Variants in DOP1B observed in about 807,000 individuals in gnomAD.
DOP1B encodes the protein protein DOP1B.
DOP1B carries 174 observed loss-of-function variants against 233.5 expected under a neutral mutation model. The observed-to-expected ratio is 0.75, with a 90% confidence interval of 0.66 to 0.85. The LOEUF (loss-of-function observed/expected upper bound fraction) is 0.85, where lower values mean the gene tolerates loss of function less well. Ranked by LOEUF, DOP1B falls within the 40% of genes least tolerant of loss-of-function variation. The pLI, the probability that DOP1B is intolerant of heterozygous loss-of-function variation, is 0.00. For missense variants in DOP1B, 2,652 were observed against 2,846.6 expected, an observed-to-expected ratio of 0.93 and a Z score of 1.56; for synonymous variants, 1,190 against 1,185.6, an observed-to-expected ratio of 1.00 and a Z score of -0.08.
chr21:36,212,552 C>T (rs894140600), intron 7 of DOP1B, among the ~76,000 whole-genome samples: 1 of 152,092 alleles, frequency 6.6e-6, no homozygotes, highest in Non-Finnish European at 1.5e-5. Context: ...CACGAGAGCC[C>T]CTGGGCCATG....
chr21:36,175,800 A>T (rs1024765040), intron 2 of DOP1B: 1 of 151,620 alleles, frequency 6.6e-6, no homozygotes, highest in African/African-American at 2.4e-5. Flanking sequence ...CTCAAAAAAA[A>T]GAAAGAAAAG....
chr21:36,262,831 C>T (rs1601462054), intron 24 of DOP1B, among the ~76,000 whole-genome samples: 3 of 151,928 alleles, frequency 2.0e-5, no homozygotes, highest in African/African-American at 7.3e-5. Flanking sequence ...GCAGAGGTTG[C>T]AGTGAGCTCA....
Position 36,237,330 on chromosome 21 carries a change from A to G in DOP1B, c.2691A>G (p.Glu897=). The G allele has an allele frequency of 1.2e-6, 2 of 1,614,136 alleles. No homozygotes were observed. The highest frequency in any genetic ancestry group is 1.7e-6 in the Non-Finnish European group (2 of 1,180,028). The change falls in exon 16 of 37, where the codon GAA becomes GAG. Residue 897 remains glutamate (E), a synonymous_variant. Coordinates refer to ENST00000691173, the MANE Select transcript of DOP1B (RefSeq NM_001320714.2). ...GGGAGCATCACGTCACCTGCGTAGA[A>G]TTGTTCTACCGGCTGCACTGCCTGG... ...ETREHHVTCV[E]LFYRLHCLAP...
At chr21:36,276,061 C>T (rs893464922) in intron 27 of DOP1B, among the ~76,000 whole-genome samples, 7 of 143,000 alleles carry the variant, frequency 4.9e-5, no homozygotes, top group African/African-American at 1.5e-4. Flanking sequence ...GGAGCTGGAG[C>T]GGAGTCGGGG....
At chr21:36,229,620 C>T (rs116898768) in intron 13 of DOP1B, among the ~76,000 whole-genome samples, 8 of 151,288 alleles carry the variant, frequency 5.3e-5, no homozygotes, top group African/African-American at 1.2e-4. Context: ...TGGGGGACAC[C>T]GTTCAACCCA....
chr21:36,257,599 TAGA>T (rs2067115865), intron 23 of DOP1B, among the ~76,000 whole-genome samples: 1 of 40,046 alleles, frequency 2.5e-5, no homozygotes, highest in Non-Finnish European at 6.3e-5. Context: ...AGATAGATGA[TAGA>T]TAGATAGATA....
At chr21:36,180,134 A>G (rs964290588) in intron 2 of DOP1B, among the ~76,000 whole-genome samples, 4 of 99,478 alleles carry the variant, frequency 4.0e-5, no homozygotes, top group Non-Finnish European at 8.1e-5. Context: ...ATAATTTATA[A>G]AGTTAAAAAA....
chr21:36,178,436 A>AG (rs1333649781), intron 2 of DOP1B, among the ~76,000 whole-genome samples: 2 of 140,008 alleles, frequency 1.4e-5, no homozygotes, highest in African/African-American at 2.9e-5. Flanking sequence ...GAGTCTCTTA[A>AG]GAAAAAAAAA....
At chr21:36,285,211 C>G (rs1160749589) in intron 32 of DOP1B, among the ~76,000 whole-genome samples, 1 of 152,016 alleles carries the variant, frequency 6.6e-6, no homozygotes, top group African/African-American at 2.4e-5. Flanking sequence ...AGGCACCCAC[C>G]ACCATGCCTG....
chr21:36,235,163 C>T (rs2066811317), intron 15 of DOP1B, among the ~76,000 whole-genome samples: 1 of 152,166 alleles, frequency 6.6e-6, no homozygotes, highest in Non-Finnish European at 1.5e-5. Flanking sequence ...GTTGCAGATG[C>T]TGGAACTAGA....
At chr21:36,184,529 T>C (rs1359163879) in intron 2 of DOP1B, among the ~76,000 whole-genome samples, 1 of 152,134 alleles carries the variant, frequency 6.6e-6, no homozygotes, top group African/African-American at 2.4e-5. Flanking sequence ...TGCCGAGAGA[T>C]GGTTCTTTCA....
rs772332457 is a variant in DOP1B at position 36,277,119 on chromosome 21, TGTC to T, written c.5712+23_5712+25del. 11 of 1,607,720 alleles carry T rather than the reference TGTC, an allele frequency of 6.8e-6. No individual in the cohort carries two copies. In the African/African-American group the frequency reaches 1.3e-4, roughly 20 times the overall value. On this transcript the variant is annotated intron_variant, in intron 28 of 36. Coordinates refer to ENST00000691173, the MANE Select transcript of DOP1B (RefSeq NM_001320714.2). ...GGCAGAGGTAAATACACACCTGACC[TGTC>T]GTCCTTTATGGAAATGAGCGCCATC...
At chr21:36,194,487 CTTT>C (rs369495001) in intron 2 of DOP1B, among the ~76,000 whole-genome samples, 4 of 81,306 alleles carry the variant, frequency 4.9e-5, no homozygotes, top group Admixed American at 2.5e-4. Flanking sequence ...CTCTCTCTCT[CTTT>C]TTTTTTTTTT....
intron 1 of DOP1B, among the ~76,000 whole-genome samples, chr21:36,160,134 T>A (rs9305579): frequency 0.093 from 6,195 of 66,500 alleles, 285 homozygotes; most frequent in African/African-American, 0.16. Context: ...CTGGAAAAAA[T>A]AATAATAATA....
In DOP1B at chr21:36,227,864, C is replaced by T; in HGVS notation, c.1652C>T (p.Thr551Ile). Residue 551 changes from threonine (T) to isoleucine (I), a missense_variant, in exon 13 of 37, where the codon ACC (threonine) becomes ATC (isoleucine). Thr to Ile is a moderately conservative substitution (Grantham distance 89, BLOSUM62 -1). Around this residue, in one of 3 missense-constraint regions of DOP1B, gnomAD observed 2,617 missense variants for 2,794.3 expected, o/e 0.94. Coordinates refer to ENST00000691173, the MANE Select transcript of DOP1B (RefSeq NM_001320714.2). ...MPPSYLDTESTSGTSSPVKGE... is the reference protein window; with the variant it reads ...MPPSYLDTESISGTSSPVKGE... The stretch of plus-strand genomic sequence containing the variant: ...CCTTCCTACCTCGACACGGAGTCCA[C>T]CAGCGGAACCTCGGTGTGTACTCTG... 1.3e-6 allele frequency: 2 copies of T among 1,599,624 alleles called. No homozygotes were observed. Among genetic ancestry groups the T allele is most frequent in the East Asian group, 4.5e-5 (2 of 44,522 alleles).
At chr21:36,206,868 A>AT (rs1020285967) in intron 4 of DOP1B, among the ~76,000 whole-genome samples, 25 of 152,326 alleles carry the variant, frequency 1.6e-4, no homozygotes, top group African/African-American at 5.8e-4. Context: ...ACACTTAGCC[A>AT]TTACTTATGT....
At chr21:36,221,916 G>A (rs1000177253) in intron 10 of DOP1B, among the ~76,000 whole-genome samples, 3 of 152,112 alleles carry the variant, frequency 2.0e-5, no homozygotes, top group African/African-American at 7.2e-5. Flanking sequence ...TCTGTACCCA[G>A]CCTGGGGTGC....
chr21:36,186,862 A>C (rs2066170607), intron 2 of DOP1B, among the ~76,000 whole-genome samples: 1 of 152,036 alleles, frequency 6.6e-6, no homozygotes, highest in African/African-American at 2.4e-5. Flanking sequence ...GTGACTTGTG[A>C]CAGGCTTGCT....
At chr21:36,237,208 G>A (rs574534863) in intron 15 of DOP1B, 54 bp from the exon 16 acceptor site, 71 of 1,610,552 alleles carry the variant, frequency 4.4e-5, no homozygotes, top group South Asian at 3.6e-4. Context: ...GGATGTGAGC[G>A]GATGTTGCCT....
Sources: gnomAD v4.1 joint callset for allele counts (sites outside exome capture counted in the v4.1 genomes callset) on GRCh38, gnomAD v4.1.1 for gene constraint, gnomAD v4.1.1 regional missense constraint, MANE v1.5 for transcripts, NCBI Gene and HGNC (gene_info 2026-07-23, HGNC 2026-07-21) for gene names.